The following ERC2 variants were observed in gnomAD, a reference collection of about 807,000 sequenced individuals.
The protein encoded by ERC2 is ELKS/RAB6-interacting/CAST family member 2.
ERC2 carries 42 observed loss-of-function variants against 114.8 expected under a neutral mutation model. The ratio of observed to expected loss-of-function variants is 0.37; its 90% CI spans 0.29 to 0.47. The LOEUF (loss-of-function observed/expected upper bound fraction) is 0.47, where lower values mean the gene tolerates loss of function less well. Among genes scored for constraint, ERC2 ranks in the 20% least tolerant of loss-of-function variants. The pLI, the probability that ERC2 is intolerant of heterozygous loss-of-function variation, is 0.99. For missense variants in ERC2, 939 were observed against 1,150.7 expected, an observed-to-expected ratio of 0.82 and a Z score of 2.66; for synonymous variants, 454 against 425.5, an observed-to-expected ratio of 1.07 and a Z score of -0.82.
chr3:56,456,086 AC>A (rs2063050067), intron 1 of ERC2, among the ~76,000 whole-genome samples: 1 of 152,238 alleles, frequency 6.6e-6, no homozygotes, highest in Admixed American at 6.5e-5. Context: ...CTCTTTGGTT[AC>A]AAATGTACCC....
At chr3:55,756,335 C>G (rs1263940320) in intron 14 of ERC2, among the ~76,000 whole-genome samples, 1 of 152,104 alleles carries the variant, frequency 6.6e-6, no homozygotes, top group Non-Finnish European at 1.5e-5. Flanking sequence ...CTTTTTGATG[C>G]TAACATGATC....
chr3:55,954,081 TAAAAAAAAAAAA>T (rs58512381), intron 12 of ERC2, among the ~76,000 whole-genome samples: 1,522 of 50,462 alleles, frequency 0.03, 41 homozygotes, highest in Middle Eastern at 0.077. Context: ...CTCCATTATT[TAAAAAAAAAAAA>T]AAAAAAAAAA....
intron 16 of ERC2, among the ~76,000 whole-genome samples, chr3:55,698,653 C>T (rs890050794): frequency 6.6e-6 from 1 of 152,132 alleles, no homozygotes; most frequent in African/African-American, 2.4e-5. Flanking sequence ...AATCTTAGTA[C>T]AACAAAGTAA....
intron 3 of ERC2, among the ~76,000 whole-genome samples, chr3:56,216,794 T>C (rs2049509553): frequency 6.6e-6 from 1 of 152,184 alleles, no homozygotes; most frequent in Admixed American, 6.5e-5. Flanking sequence ...TTGTCCACCA[T>C]GATCAGGTGG....
At chr3:55,532,492 A>T (rs1350477490) in intron 17 of ERC2, among the ~76,000 whole-genome samples, 1 of 152,268 alleles carries the variant, frequency 6.6e-6, no homozygotes, top group Non-Finnish European at 1.5e-5. Flanking sequence ...TCAAGTATGT[A>T]ATAATGATGA....
Position 55,845,287 on chromosome 3 carries a change from G to A in ERC2, c.2564+43102C>T, listed in dbSNP as rs560592435. Among the ~76,000 whole-genome samples the A allele has an allele frequency of 4.3e-3, 652 of 152,106 alleles. 3 individuals are homozygous for A. The highest frequency in any genetic ancestry group is 7.3e-3 in the Non-Finnish European group (498 of 67,970). ...TGGGAGGCCGAGGCGGGCGGATCACGAGGTCAGGAGATCGAGACCATCCCG... is the reference window on the plus strand; with the variant it reads ...TGGGAGGCCGAGGCGGGCGGATCACAAGGTCAGGAGATCGAGACCATCCCG... On this transcript the variant is annotated intron_variant, in intron 14 of 17. Transcript: ENST00000288221.
intron 13 of ERC2, among the ~76,000 whole-genome samples, chr3:55,937,384 G>C (rs905069674): frequency 7.9e-5 from 12 of 152,114 alleles, no homozygotes; most frequent in Non-Finnish European, 1.5e-4. Context: ...ATTACAGCCC[G>C]GCCTGGTAAA....
chr3:55,721,644 T>C (rs373118675), intron 15 of ERC2, among the ~76,000 whole-genome samples: 2 of 152,350 alleles, frequency 1.3e-5, no homozygotes, highest in South Asian at 2.1e-4. Flanking sequence ...CTTGGGTCCA[T>C]TCTCAGACCC....
chr3:56,242,256 A>ACCTC (rs1270367664), intron 3 of ERC2, among the ~76,000 whole-genome samples: 1 of 152,118 alleles, frequency 6.6e-6, no homozygotes, highest in African/African-American at 2.4e-5. Flanking sequence ...TATAAGTGGG[A>ACCTC]GGTAAGCTAT....
chr3:56,099,979 T>C (rs1183978819), intron 6 of ERC2, among the ~76,000 whole-genome samples: 4 of 151,918 alleles, frequency 2.6e-5, no homozygotes, highest in Non-Finnish European at 5.9e-5. Context: ...CTACGAGCAC[T>C]CTTATTGGGG....
intron 6 of ERC2, among the ~76,000 whole-genome samples, chr3:56,095,247 A>C (rs1330724687): frequency 6.6e-6 from 1 of 152,154 alleles, no homozygotes; most frequent in Non-Finnish European, 1.5e-5. Flanking sequence ...AAAAGTATTA[A>C]TATAGATATA....
Position 55,590,058 on chromosome 3 carries a change from TAAGAC to T in ERC2, c.*40-78787_*40-78783del, listed in dbSNP as rs1363160458. ...TTTTATAAAAAACTAATTATAAAAA[TAAGAC>T]AATACATTTTTTTGAAGGTGGCAAC... On this transcript the variant is annotated intron_variant, in intron 17 of 17. Transcript: ENST00000288221. 1.3e-5 allele frequency among the ~76,000 whole-genome samples: 2 copies of T among 152,118 alleles called. 1 individual carries two copies.
At chr3:56,164,825 T>G (rs917108149) in intron 4 of ERC2, among the ~76,000 whole-genome samples, 2 of 152,102 alleles carry the variant, frequency 1.3e-5, no homozygotes, top group Non-Finnish European at 2.9e-5. Flanking sequence ...TGGTTTTGAT[T>G]GGCATTTCCC....
At chr3:55,932,287 T>C (rs1170666214) in intron 13 of ERC2, among the ~76,000 whole-genome samples, 1 of 152,212 alleles carries the variant, frequency 6.6e-6, no homozygotes, top group Non-Finnish European at 1.5e-5. Context: ...TTTAAAGAAT[T>C]TCTATGTACC....
intron 1 of ERC2, chr3:56,466,927 C>T (rs928919349): frequency 6.6e-6 from 1 of 152,162 alleles, no homozygotes; most frequent in African/African-American, 2.4e-5. Context: ...ATTCTAACAC[C>T]CCCTCCCCCA....
At chr3:55,518,825 CTT>C (rs2052710042) in intron 17 of ERC2, among the ~76,000 whole-genome samples, 1 of 152,204 alleles carries the variant, frequency 6.6e-6, no homozygotes, top group East Asian at 1.9e-4. Flanking sequence ...AAATTGGAAT[CTT>C]TTAAACACAA....
intron 2 of ERC2, among the ~76,000 whole-genome samples, chr3:56,317,697 G>A (rs955643723): frequency 6.6e-6 from 1 of 152,146 alleles, no homozygotes. Flanking sequence ...CAATGAGCGA[G>A]ACACAGTACC....
chr3:55,663,934 C>T (rs575754884), intron 17 of ERC2, among the ~76,000 whole-genome samples: 6 of 152,116 alleles, frequency 3.9e-5, no homozygotes, highest in Admixed American at 1.3e-4. Flanking sequence ...TTTTGCAGTG[C>T]GACTATTCTG....
chr3:56,390,389 G>T (rs1289887013), intron 2 of ERC2, among the ~76,000 whole-genome samples: 1 of 152,066 alleles, frequency 6.6e-6, no homozygotes, highest in Non-Finnish European at 1.5e-5. Context: ...CTAACACTAG[G>T]TCATTCTCCC....
Sources: gnomAD v4.1 joint callset for allele counts (sites outside exome capture counted in the v4.1 genomes callset) on GRCh38, gnomAD v4.1.1 for gene constraint, MANE v1.5 for transcripts, NCBI Gene and HGNC (gene_info 2026-07-23, HGNC 2026-07-21) for gene names.